The following ATP11C variants were observed in gnomAD, a reference collection of about 807,000 sequenced individuals.
The protein encoded by ATP11C is ATPase phospholipid transporting 11C (ATP11C blood group).
ATP11C carries 36 observed loss-of-function variants against 97.4 expected under a neutral mutation model. That is an observed-to-expected ratio of 0.37 (90% CI 0.28 to 0.49). The LOEUF is 0.49. Among genes scored for constraint, ATP11C ranks in the 20% least tolerant of loss-of-function variants. The pLI is 0.98. For synonymous variants in ATP11C, 275 were observed against 290.9 expected (o/e 0.95, Z 0.56); for missense variants, 730 against 824.6 (o/e 0.89, Z 1.40).
chrX:139,821,359 G>A (rs1327479004), intron 2 of ATP11C, among the ~76,000 whole-genome samples: 1 of 112,013 alleles, frequency 8.9e-6, no homozygotes, highest in Non-Finnish European at 1.9e-5. Flanking sequence ...CAAAACCACT[G>A]ATCCAGTCAC....
intron 1 of ATP11C, among the ~76,000 whole-genome samples, chrX:139,881,299 C>T (rs1279162460): frequency 9.0e-6 from 1 of 111,414 alleles, no homozygotes; most frequent in African/African-American, 3.3e-5. Flanking sequence ...AGACTTGGGC[C>T]TGGGCTAAAA....
chrX:139,840,697 GACAA>G (rs1014994461), intron 1 of ATP11C, among the ~76,000 whole-genome samples: 1 of 112,007 alleles, frequency 8.9e-6, no homozygotes, highest in African/African-American at 3.2e-5. Context: ...CTGGGCATAA[GACAA>G]ACATTCAAAT....
intron 1 of ATP11C, among the ~76,000 whole-genome samples, chrX:139,886,449 C>T (rs1360241208): frequency 1.8e-5 from 2 of 109,548 alleles, no homozygotes; most frequent in Admixed American, 9.9e-5. Flanking sequence ...ATTCGCTGGG[C>T]GTGGTGGAGC....
At chrX:139,743,205 T>G (rs1378879656) in intron 26 of ATP11C, among the ~76,000 whole-genome samples, 1 of 110,112 alleles carries the variant, frequency 9.1e-6, no homozygotes, top group Non-Finnish European at 1.9e-5. Flanking sequence ...TCTCTCTCTC[T>G]CTCGCTCTCT....
chrX:139,934,366 C>T (rs944089167), upstream of ATP11C, among the ~76,000 whole-genome samples: 2 of 110,530 alleles, frequency 1.8e-5, no homozygotes, highest in African/African-American at 6.6e-5. Flanking sequence ...TCAATTCTTC[C>T]CCTCTTATGA....
At chrX:139,820,529 G>A (rs1159596729) in intron 2 of ATP11C, among the ~76,000 whole-genome samples, 2 of 111,390 alleles carry the variant, frequency 1.8e-5, no homozygotes, top group Non-Finnish European at 3.8e-5. Flanking sequence ...GAGTCACTCT[G>A]TCCCTATGAG....
chrX:139,771,758 G>A (rs1383498403), intron 19 of ATP11C, among the ~76,000 whole-genome samples: 1 of 111,294 alleles, frequency 9.0e-6, no homozygotes, highest in African/African-American at 3.3e-5. Flanking sequence ...ATGATTTAGG[G>A]TATCTGGCAG....
At chrX:139,743,317 A>AT (rs1361809481) in intron 26 of ATP11C, among the ~76,000 whole-genome samples, 1 of 110,534 alleles carries the variant, frequency 9.0e-6, no homozygotes, top group Non-Finnish European at 1.9e-5. Context: ...TGGTGTTTGA[A>AT]TTTTTTTAAG....
chrX:139,867,078 C>G (rs1039797511), intron 1 of ATP11C, among the ~76,000 whole-genome samples: 10 of 111,361 alleles, frequency 9.0e-5, no homozygotes, highest in Middle Eastern at 4.6e-3. Context: ...AGAGCAAGAC[C>G]CTGTCTTCAA....
rs73634068 is a variant in ATP11C at position 139,840,534 on chromosome X, T to C, written c.28-13711A>G. Among the ~76,000 whole-genome samples, 524 of 112,527 alleles carry C rather than the reference T, an allele frequency of 4.7e-3. 5 individuals carry two copies. The highest frequency in any genetic ancestry group is 0.016 in the African/African-American group (484 of 31,031). ...CAGAGATATAATCCCCAATGTAATA[T>C]TGTTTCTGTGAAGAAAATCAGATTC... On this transcript the variant is annotated intron_variant, in intron 1 of 29. Coordinates refer to ENST00000682941, the MANE Select transcript of ATP11C (RefSeq NM_001353812.2).
intron 1 of ATP11C, among the ~76,000 whole-genome samples, chrX:139,860,555 C>T (rs1312328395): frequency 8.9e-6 from 1 of 111,950 alleles, no homozygotes; most frequent in Non-Finnish European, 1.9e-5. Flanking sequence ...CAGTGGCTCA[C>T]ACCTGTAATC....
intron 1 of ATP11C, among the ~76,000 whole-genome samples, chrX:139,861,952 C>T (rs1011174244): frequency 9.9e-5 from 11 of 111,527 alleles, no homozygotes; most frequent in African/African-American, 3.6e-4. Flanking sequence ...CTCTTATCAA[C>T]AGACACTCAT....
chrX:139,878,065 A>G (rs148469519), intron 1 of ATP11C, among the ~76,000 whole-genome samples: 33 of 112,110 alleles, frequency 2.9e-4, no homozygotes, highest in Non-Finnish European at 5.4e-4. Flanking sequence ...GGCTAAAAAA[A>G]ATGGGTTTTA....
At chrX:139,899,203 G>A (rs1216366041) in intron 1 of ATP11C, among the ~76,000 whole-genome samples, 1 of 111,228 alleles carries the variant, frequency 9.0e-6, no homozygotes, top group Non-Finnish European at 1.9e-5. Context: ...ATGTGGGGCC[G>A]GATGCAATGG....
chrX:139,877,184 C>CT (rs1489642976), intron 1 of ATP11C, among the ~76,000 whole-genome samples: 1 of 112,063 alleles, frequency 8.9e-6, no homozygotes, highest in Non-Finnish European at 1.9e-5. Context: ...GCCCAGGGGC[C>CT]TATGTGCAGT....
chrX:139,802,144 C>T lies in ATP11C; in HGVS notation c.659+92G>A, dbSNP rs979973021. Reference sequence around the variant, plus strand: ...CCATAAAAACACAAATGAGAGTAGGCTGGTAAGTGGTGGGTGTTTCTTTTG... The same window carrying T: ...CCATAAAAACACAAATGAGAGTAGGTTGGTAAGTGGTGGGTGTTTCTTTTG... On this transcript the variant is annotated intron_variant, in intron 7 of 29. Transcript: ENST00000682941. 7.3e-5 allele frequency: 45 copies of T among 620,024 alleles called. No homozygotes were observed. The East Asian group carries it at 1.3e-3, about 17-fold the overall frequency. 51.1% of individuals were successfully genotyped at this position (620,024 alleles called of 1,213,427 possible).
chrX:139,852,567 G>C (rs1390055262), intron 1 of ATP11C, among the ~76,000 whole-genome samples: 1 of 100,249 alleles, frequency 1.0e-5, no homozygotes, highest in African/African-American at 3.6e-5. Context: ...AGCCGCGGGA[G>C]CCGTAAAGTA....
chrX:139,765,293 A>G (rs548108082), intron 20 of ATP11C, among the ~76,000 whole-genome samples: 2 of 112,360 alleles, frequency 1.8e-5, no homozygotes, highest in African/African-American at 6.5e-5. Context: ...TATTGTATAC[A>G]GGAATGTGCT....
chrX:139,728,891 C>T lies in ATP11C; in HGVS notation c.*75G>A. 8.4e-7 allele frequency: 1 copy of T among 1,195,742 alleles called. No individual in the cohort carries two copies. Among genetic ancestry groups the T allele is most frequent in the Non-Finnish European group, 1.1e-6 (1 of 883,771 alleles). On this transcript the variant is annotated 3_prime_UTR_variant, in exon 30 of 30. Transcript: ENST00000682941. ...AACTTTTTGTAGTTGTTTCTTCATG[C>T]TTTCTTTTTTAGCTGTAACCACTGT...
Sources: allele counts gnomAD v4.1 joint callset (sites outside exome capture counted in the v4.1 genomes callset), GRCh38; gene constraint gnomAD v4.1.1; transcripts MANE v1.5; gene names NCBI Gene and HGNC (gene_info 2026-07-23, HGNC 2026-07-21).